Variants in EFHC1 observed in about 807,000 individuals in gnomAD.
EFHC1 encodes the protein EF-hand domain containing 1, also known as EF-hand domain-containing protein 1.
A neutral mutation model predicts 69.9 loss-of-function variants in EFHC1; 53 were observed. The ratio of observed to expected loss-of-function variants is 0.76; its 90% CI spans 0.61 to 0.95. The LOEUF (loss-of-function observed/expected upper bound fraction) is 0.95, where lower values mean the gene tolerates loss of function less well. EFHC1 is among the 40% of genes least tolerant of loss of function. The pLI, the probability that EFHC1 is intolerant of heterozygous loss-of-function variation, is 0.00. For synonymous variants in EFHC1, 256 were observed against 278.4 expected, an observed-to-expected ratio of 0.92 and a Z score of 0.80; for missense variants, 739 against 798.7, an observed-to-expected ratio of 0.93 and a Z score of 0.90.
intron 5 of EFHC1, among the ~76,000 whole-genome samples, chr6:52,456,188 G>A (rs976736432): frequency 1.3e-5 from 2 of 152,122 alleles, no homozygotes; most frequent in Non-Finnish European, 2.9e-5. Flanking sequence ...AATTCAGCTT[G>A]TATTCTCAAA....
At position 52,493,173 on chromosome 6, in the gene EFHC1, G is replaced by A. The variant is rs775618057; in HGVS notation, c.*832G>A. 6.6e-6 allele frequency: 3 copies of A among 453,552 alleles called. No homozygotes were observed. 28.1% of individuals were successfully genotyped at this position (453,552 alleles called of 1,614,324 possible). On this transcript the variant is annotated 3_prime_UTR_variant, in exon 11 of 11. Transcript: ENST00000371068. Reference sequence around the variant, plus strand: ...AATGGAAACATCAGCTGTTGGTCTGGAGCCTGCTGACCTTCAGACTGGACC... The same window carrying A: ...AATGGAAACATCAGCTGTTGGTCTGAAGCCTGCTGACCTTCAGACTGGACC...
In EFHC1 at chr6:52,477,046, C is replaced by T. The variant is rs531791564; in HGVS notation, c.1279-1991C>T. Among the ~76,000 whole-genome samples the T allele has an allele frequency of 2.6e-5, 4 of 152,064 alleles. No individual in the cohort carries two copies. The South Asian group carries it at 8.3e-4, about 32-fold the overall frequency. On this transcript the variant is annotated intron_variant, in intron 7 of 10. Transcript: ENST00000371068. ...ATGTAAACCTCATTCCCAATAAAGA[C>T]AATAATTTTTTTAAAGTTTTATAGT...
rs1474341775 is a variant in EFHC1, at chr6:52,494,095, A to T, written c.*1754A>T. ...AACTATTTAAAACAGTATCTCTTTCAAGTACAGATGCTCCTCTACTTATGG... is the reference window on the plus strand; with the variant it reads ...AACTATTTAAAACAGTATCTCTTTCTAGTACAGATGCTCCTCTACTTATGG... On this transcript the variant is annotated 3_prime_UTR_variant, in exon 11 of 11. Transcript: ENST00000371068. The T allele has an allele frequency of 2.2e-6, 1 of 452,376 alleles. No homozygotes were observed. The highest frequency in any genetic ancestry group is 7.0e-5 in the East Asian group (1 of 14,296). 28.0% of individuals were successfully genotyped at this position (452,376 alleles called of 1,614,324 possible).
At chr6:52,449,137 A>G (rs1231802604) in intron 3 of EFHC1, among the ~76,000 whole-genome samples, 2 of 152,114 alleles carry the variant, frequency 1.3e-5, no homozygotes, top group Non-Finnish European at 2.9e-5. Flanking sequence ...TAATCCCAGC[A>G]CTTTGGGAGG....
At chr6:52,491,925 C>T (rs111277687) in intron 10 of EFHC1, among the ~76,000 whole-genome samples, 3,472 of 152,268 alleles carry the variant, frequency 0.023, 130 homozygotes, top group African/African-American at 0.077. Flanking sequence ...GGGCAGCAGA[C>T]GCAGTTTGTC....
At chr6:52,469,109 C>T (rs1440432121) in intron 6 of EFHC1, 7 of 562,692 alleles carry the variant, frequency 1.2e-5, no homozygotes, top group Non-Finnish European at 1.8e-5. Context: ...CTGAGAGTTA[C>T]TTTAGAGCAT....
At chr6:52,461,572 G>A (rs1181646287) in intron 5 of EFHC1, among the ~76,000 whole-genome samples, 1 of 152,152 alleles carries the variant, frequency 6.6e-6, no homozygotes, top group South Asian at 2.1e-4. Context: ...ATATTCCTTT[G>A]GAGATATACC....
Position 52,438,580 on chromosome 6 carries a change from C to T in EFHC1, c.562C>T (p.Gln188Ter). 1 of 1,613,906 alleles carries T rather than the reference C, an allele frequency of 6.2e-7. No homozygotes were observed. The highest frequency in any genetic ancestry group is 8.5e-7 in the Non-Finnish European group (1 of 1,179,880). ...GKTFRVVDCDQFTQVFLESQG... is the reference protein window; with the variant it reads ...GKTFRVVDCD The stretch of plus-strand genomic sequence containing the variant: ...AACTTTCCGCGTTGTTGACTGTGAC[C>T]AATTCACACAGGTATAGCATATATT... The change falls in exon 3 of 11, where the codon CAA becomes TAA. Residue 188 changes from glutamine (Q) to a stop codon, truncating the protein, a stop_gained. Transcript: ENST00000371068. LOFTEE classifies it high-confidence loss of function.
Position 52,479,270 on chromosome 6 carries a change from A to G in EFHC1, c.1492+20A>G. 1 of 1,613,070 alleles carries G rather than the reference A, an allele frequency of 6.2e-7. No homozygotes were observed. The highest frequency in any genetic ancestry group is 1.1e-5 in the South Asian group (1 of 91,052). ...TTGAAGGTAGGTCTAAACACAGTCCAGAATTTCCTACTGGCTGCCTGAATG... is the reference window on the plus strand; with the variant it reads ...TTGAAGGTAGGTCTAAACACAGTCCGGAATTTCCTACTGGCTGCCTGAATG... On this transcript the variant is annotated intron_variant, in intron 8 of 10. Coordinates refer to ENST00000371068, the MANE Select transcript of EFHC1 (RefSeq NM_018100.4).
At position 52,449,971 on chromosome 6, in the gene EFHC1, C is replaced by T. The variant is rs532774972; in HGVS notation, c.574-2717C>T. Among the ~76,000 whole-genome samples, 407 of 152,254 alleles carry T rather than the reference C, an allele frequency of 2.7e-3. 2 individuals are homozygous for T. Among genetic ancestry groups the T allele is most frequent in the Non-Finnish European group, 4.2e-3 (288 of 68,008 alleles). ...CTATAAATTTCCGTCTTAATACTGC[C>T]TTAGCTGTGTCCCAGAGATTCTGGT... On this transcript the variant is annotated intron_variant, in intron 3 of 10. Coordinates refer to ENST00000371068, the MANE Select transcript of EFHC1 (RefSeq NM_018100.4).
Position 52,446,686 on chromosome 6 carries a change from C to T in EFHC1, c.574-6002C>T, listed in dbSNP as rs144808747. Among the ~76,000 whole-genome samples, 425 of 152,286 alleles carry T rather than the reference C, an allele frequency of 2.8e-3. 2 individuals are homozygous for T. The highest frequency in any genetic ancestry group is 9.5e-3 in the African/African-American group (395 of 41,558). ...GTTTTTACAATTTGGCATGTTTTTGCAGTGGCTGGTACCGGTTGTTCCTTT... is the reference window on the plus strand; with the variant it reads ...GTTTTTACAATTTGGCATGTTTTTGTAGTGGCTGGTACCGGTTGTTCCTTT... On this transcript the variant is annotated intron_variant, in intron 3 of 10. Coordinates refer to ENST00000371068, the MANE Select transcript of EFHC1 (RefSeq NM_018100.4).
chr6:52,455,596 G>C (rs1765027235), intron 5 of EFHC1, among the ~76,000 whole-genome samples: 1 of 152,012 alleles, frequency 6.6e-6, no homozygotes, highest in South Asian at 2.1e-4. Context: ...GGAGGTTGTG[G>C]CGAGCCAAGA....
chr6:52,487,920 T>C (rs1253441129), intron 9 of EFHC1: 2 of 152,260 alleles, frequency 1.3e-5, no homozygotes, highest in Admixed American at 1.3e-4. Flanking sequence ...TTCCAGAGTG[T>C]GCCCTGACTT....
Position 52,465,873 on chromosome 6 carries a change from A to C in EFHC1, c.1137+758A>C, listed in dbSNP as rs564142368. On this transcript the variant is annotated intron_variant, in intron 6 of 10. Transcript: ENST00000371068. Reference sequence around the variant, plus strand: ...TATAATATCTATCTATATATATATTATAAATCATATTGTTTATAATATATG... The same window carrying C: ...TATAATATCTATCTATATATATATTCTAAATCATATTGTTTATAATATATG... 1.8e-3 allele frequency among the ~76,000 whole-genome samples: 268 copies of C among 148,198 alleles called. 2 individuals are homozygous for C. The highest frequency in any genetic ancestry group is 5.8e-3 in the African/African-American group (236 of 40,876).
Position 52,467,888 on chromosome 6 carries a change from C to T in EFHC1, c.1138-1445C>T, listed in dbSNP as rs558914483. ...AGTCATTATACCTCAGTCATTTTAACCCTAAATAACATAAATGGAAACCAG... is the reference window on the plus strand; with the variant it reads ...AGTCATTATACCTCAGTCATTTTAATCCTAAATAACATAAATGGAAACCAG... On this transcript the variant is annotated intron_variant, in intron 6 of 10. Transcript: ENST00000371068. Among the ~76,000 whole-genome samples the T allele has an allele frequency of 5.5e-4, 83 of 152,198 alleles. 2 individuals are homozygous for T. The highest frequency in any genetic ancestry group is 1.9e-3 in the South Asian group (9 of 4,812).
intron 10 of EFHC1, 106 bp from the exon 11 acceptor site, chr6:52,492,159 TCTGAA>T: frequency 1.1e-6 from 1 of 946,822 alleles, no homozygotes; most frequent in Non-Finnish European, 1.7e-6. Flanking sequence ...ATACAAAAAT[TCTGAA>T]CTGATTTACA....
At position 52,493,365 on chromosome 6, in the gene EFHC1, C is replaced by CACAT; in HGVS notation, c.*1025_*1026insCATA. The CACAT allele has an allele frequency of 1.2e-5, 2 of 162,964 alleles. No individual in the cohort carries two copies. The highest frequency in any genetic ancestry group is 6.4e-5 in the South Asian group (1 of 15,738). The allele number at this position is 162,964 out of a possible 1,614,324, so 10.1% of individuals were successfully genotyped here. On this transcript the variant is annotated 3_prime_UTR_variant, in exon 11 of 11. Coordinates refer to ENST00000371068, the MANE Select transcript of EFHC1 (RefSeq NM_018100.4). ...ATAACTCTCTCTTTCTCTCTCTCTA[C>CACAT]ATATATATATATATATATATTTTAT...
rs569598513 is a variant in EFHC1, at chr6:52,462,931, CATAAA to C, written c.917-1954_917-1950del. On this transcript the variant is annotated intron_variant, in intron 5 of 10. Transcript: ENST00000371068. ...TCTTTAAAGTGCCATAGCCATTAAA[CATAAA>C]ATAAAATAATAATACAACTTTATGC... is the stretch of plus-strand genomic sequence containing the variant. Among the ~76,000 whole-genome samples the C allele has an allele frequency of 3.8e-3, 572 of 149,004 alleles. 5 individuals are homozygous for C. The highest frequency in any genetic ancestry group is 0.013 in the African/African-American group (523 of 40,622).
In EFHC1 at chr6:52,464,878, A is replaced by ATTAGTTCT; in HGVS notation, c.917-17_917-16insTTAGTTCT. On this transcript the variant is annotated splice_polypyrimidine_tract_variant and intron_variant, in intron 5 of 10. Coordinates refer to ENST00000371068, the MANE Select transcript of EFHC1 (RefSeq NM_018100.4). ...CTCATTCCTTCTTTTTTTCTCTCTA[A>ATTAGTTCT]CACCATCTTATATTAGAGAACTTCC... 1.2e-6 allele frequency: 2 copies of ATTAGTTCT among 1,607,678 alleles called. No individual in the cohort carries two copies. Among genetic ancestry groups the ATTAGTTCT allele is most frequent in the Non-Finnish European group, 1.7e-6 (2 of 1,174,172 alleles).
Sources: gnomAD v4.1 joint callset for allele counts (sites outside exome capture counted in the v4.1 genomes callset) on GRCh38, gnomAD v4.1.1 for gene constraint, MANE v1.5 for transcripts, NCBI Gene and HGNC (gene_info 2026-07-23, HGNC 2026-07-21) for gene names.